Variants in ZNF69 observed in about 807,000 individuals in gnomAD.
The protein encoded by ZNF69 is ZNF3.
Under a neutral mutation model 50.9 loss-of-function variants are expected in ZNF69, and 47 were observed. That is an observed-to-expected ratio of 0.92 (90% CI 0.73 to 1.18). The LOEUF (loss-of-function observed/expected upper bound fraction) is 1.18. Among genes scored for constraint, ZNF69 ranks in the 50% most tolerant of loss-of-function variants. ZNF69 has a pLI of 0.00. For missense variants in ZNF69, 717 were observed against 675.1 expected (o/e 1.06, Z -0.69); for synonymous variants, 216 against 223.1 (o/e 0.97, Z 0.29).
downstream of ZNF69, among the ~76,000 whole-genome samples, chr19:11,916,571 T>C (rs1972524320): frequency 6.6e-6 from 1 of 152,180 alleles, no homozygotes; most frequent in African/African-American, 2.4e-5. Context: ...GCCAAGATCA[T>C]GCTACTGCAC....
At position 11,905,640 on chromosome 19, in the gene ZNF69, C is replaced by A. The variant is rs1418643051; in HGVS notation, c.1243C>A (p.Pro415Thr). 6.2e-7 allele frequency: 1 copy of A among 1,613,896 alleles called. No homozygotes were observed. The highest frequency in any genetic ancestry group is 8.5e-7 in the Non-Finnish European group (1 of 1,180,020). ...YHERIHTGEK[P>T]YECKQCGKAF... ...TGAAAGGATTCACACTGGAGAGAAA[C>A]CCTATGAGTGTAAGCAATGTGGGAA... The change falls in exon 4 of 4, where the codon CCC (proline) becomes ACC (threonine). Residue 415 changes from proline to threonine, a missense_variant. By Grantham distance (38) the Pro-to-Thr change is conservative. Coordinates refer to ENST00000429654, the MANE Select transcript of ZNF69 (RefSeq NM_001364730.1).
chr19:11,920,653 T>TGG, the ZNF69 span, among the ~76,000 whole-genome samples: 1 of 3,148 alleles, frequency 3.2e-4, no homozygotes, highest in African/African-American at 3.8e-4. Context: ...TTTGGGAGGC[T>TGG]GAGGGGGGTG....
At chr19:11,895,433 A>G (rs548122286) in intron 1 of ZNF69, among the ~76,000 whole-genome samples, 2 of 152,328 alleles carry the variant, frequency 1.3e-5, no homozygotes, top group African/African-American at 4.8e-5. Flanking sequence ...GACGTCGCTC[A>G]GGGAGTTGTT....
the ZNF69 span, chr19:11,977,538 CTTCTT>C: frequency 7.4e-7 from 1 of 1,359,042 alleles, no homozygotes; most frequent in Non-Finnish European, 1.0e-6. Context: ...AAATTCATCT[CTTCTT>C]AGAATATTTT....
At chr19:11,961,922 TACACACACACAC>T in the ZNF69 span, among the ~76,000 whole-genome samples, 563 of 145,088 alleles carry the variant, frequency 3.9e-3, 2 homozygotes, top group African/African-American at 0.012. Context: ...TGGCCTCTTT[TACACACACACAC>T]ACACACACAC....
the ZNF69 span, among the ~76,000 whole-genome samples, chr19:11,943,505 C>T: frequency 2.0e-5 from 3 of 152,018 alleles, no homozygotes; most frequent in Non-Finnish European, 4.4e-5. Context: ...TCTGTTTTAG[C>T]TATTTTTTTT....
At chr19:11,935,685 AACAG>A in the ZNF69 span, among the ~76,000 whole-genome samples, 231 of 152,274 alleles carry the variant, frequency 1.5e-3, 1 homozygote, top group African/African-American at 5.1e-3. Context: ...TCATTTCCAA[AACAG>A]ACAGTTTTAC....
At chr19:11,964,901 T>G in the ZNF69 span, 1 of 396,132 alleles carries the variant, frequency 2.5e-6, no homozygotes, top group Non-Finnish European at 4.7e-6. Flanking sequence ...GTCAAGTCAG[T>G]CTGGCTCTGC....
the ZNF69 span, among the ~76,000 whole-genome samples, chr19:11,921,901 GA>G: frequency 6.6e-6 from 1 of 152,274 alleles, no homozygotes; most frequent in South Asian, 2.1e-4. Flanking sequence ...TCGTGAGGCA[GA>G]AATTTAAAAA....
exon 5 of ZNF69, chr19:11,913,545 C>G: frequency 2.6e-6 from 1 of 388,208 alleles, no homozygotes. Flanking sequence ...TGCACCACCA[C>G]GCCAGGCTAA....
the ZNF69 span, chr19:11,950,324 A>G: frequency 3.3e-5 from 48 of 1,476,032 alleles, no homozygotes; most frequent in African/African-American, 5.4e-4. Context: ...CAATGTGGCA[A>G]AACTTTCACA....
intron 1 of ZNF69, among the ~76,000 whole-genome samples, chr19:11,895,380 G>T (rs1977200855): frequency 6.6e-6 from 1 of 152,230 alleles, no homozygotes; most frequent in Non-Finnish European, 1.5e-5. Context: ...ACAGGGACCT[G>T]TGGGCCAAAG....
chr19:11,888,118 C>A, intron 1 of ZNF69, 132 bp downstream of exon 1: 1 of 752,640 alleles, frequency 1.3e-6, no homozygotes, highest in South Asian at 1.7e-5. Flanking sequence ...TGGAGCCGCT[C>A]GGCCCTCGGT....
At chr19:11,914,531 A>C (rs569073056), downstream of ZNF69, among the ~76,000 whole-genome samples, 3 of 152,324 alleles carry the variant, frequency 2.0e-5, no homozygotes, top group Non-Finnish European at 4.4e-5. Context: ...GAGGCTAATA[A>C]ATTTGTGTAA....
At chr19:11,895,795 G>A (rs1484529038) in intron 1 of ZNF69, among the ~76,000 whole-genome samples, 1 of 152,188 alleles carries the variant, frequency 6.6e-6, no homozygotes, top group Non-Finnish European at 1.5e-5. Context: ...ATTATTGTAT[G>A]TGGAGATGAT....
At chr19:11,978,358 A>G in the ZNF69 span, 7 of 1,614,106 alleles carry the variant, frequency 4.3e-6, no homozygotes, top group African/African-American at 6.7e-5. Context: ...AAGCCATATA[A>G]GTGTCAACAA....
At chr19:11,906,847 G>A (rs1599360838), downstream of ZNF69, among the ~76,000 whole-genome samples, 1 of 152,322 alleles carries the variant, frequency 6.6e-6, no homozygotes, top group Non-Finnish European at 1.5e-5. Flanking sequence ...AGAGAAGAAG[G>A]CTTCAGATGA....
chr19:11,949,463 G>A, the ZNF69 span: 3 of 1,612,684 alleles, frequency 1.9e-6, no homozygotes, highest in Non-Finnish European at 2.5e-6. Context: ...AAGGAATGTG[G>A]GAAAGCCTTC....
At chr19:11,948,773 A>G in the ZNF69 span, 3 of 1,611,366 alleles carry the variant, frequency 1.9e-6, no homozygotes, top group African/African-American at 1.3e-5. Flanking sequence ...GAGAAACCAT[A>G]TGAATGTAAA....
Sources: allele counts gnomAD v4.1 joint callset (sites outside exome capture counted in the v4.1 genomes callset), GRCh38; gene constraint gnomAD v4.1.1; transcripts MANE v1.5; gene names NCBI Gene and HGNC (gene_info 2026-07-23, HGNC 2026-07-21).